The following NRDC variants were observed in gnomAD, a reference collection of about 807,000 sequenced individuals.
NRDC encodes nardilysin.
NRDC carries 54 observed loss-of-function variants against 147.1 expected under a neutral mutation model. That is an observed-to-expected ratio of 0.37 (90% CI 0.29 to 0.46). NRDC has a LOEUF of 0.46. NRDC is among the 20% of genes least tolerant of loss of function. The pLI is 1.00. For missense variants in NRDC, 1,082 were observed against 1,370.6 expected (o/e 0.79, Z 3.33); for synonymous variants, 440 against 482.1 (o/e 0.91, Z 1.14).
chr1:51,824,612 A>G (rs114611268), intron 6 of NRDC, among the ~76,000 whole-genome samples: 170 of 152,308 alleles, frequency 1.1e-3, no homozygotes, highest in African/African-American at 4.0e-3. Context: ...AGAAAATGCC[A>G]TTATGAAAAA....
At chr1:51,813,944 C>T (rs1679840674) in intron 14 of NRDC, 91 bp downstream of exon 14, 1 of 863,514 alleles carries the variant, frequency 1.2e-6, no homozygotes, top group Non-Finnish European at 1.9e-6. Flanking sequence ...AGAATTAAAA[C>T]TCCACCGACA....
At chr1:51,876,209 G>A (rs1683318778) in intron 1 of NRDC, among the ~76,000 whole-genome samples, 1 of 152,086 alleles carries the variant, frequency 6.6e-6, no homozygotes, top group Non-Finnish European at 1.5e-5. Context: ...GATCTGGAAG[G>A]CAAAAACTAA....
intron 19 of NRDC, 150 bp downstream of exon 19, chr1:51,805,360 A>G (rs1679414696): frequency 3.5e-6 from 2 of 563,882 alleles, no homozygotes; most frequent in African/African-American, 2.0e-5. Context: ...AATAATACAA[A>G]TAACTTGTTT....
At chr1:51,878,024 T>A in intron 1 of NRDC, 1 of 1,349,200 alleles carries the variant, frequency 7.4e-7, no homozygotes, top group Middle Eastern at 2.8e-4. Context: ...ATTCTTGCTT[T>A]AGCGACTGTA....
chr1:51,845,320 C>T (rs1353994464), intron 1 of NRDC, among the ~76,000 whole-genome samples: 2 of 152,162 alleles, frequency 1.3e-5, no homozygotes, highest in Non-Finnish European at 2.9e-5. Context: ...GGCCCGGCCG[C>T]AGTGGCTCAC....
At chr1:51,796,728 C>T (rs1678935734) in intron 22 of NRDC, among the ~76,000 whole-genome samples, 1 of 151,552 alleles carries the variant, frequency 6.6e-6, no homozygotes, top group African/African-American at 2.4e-5. Flanking sequence ...GCTGGAACTA[C>T]AGGCATGTGC....
intron 1 of NRDC, among the ~76,000 whole-genome samples, chr1:51,852,211 T>C (rs1371339299): frequency 2.0e-5 from 3 of 152,086 alleles, no homozygotes; most frequent in Admixed American, 2.0e-4. Context: ...TCCACCTCTT[T>C]CGAGACCTCA....
intron 21 of NRDC, chr1:51,799,250 G>A (rs1246821642): frequency 1.3e-5 from 2 of 152,108 alleles, no homozygotes; most frequent in East Asian, 1.9e-4. Flanking sequence ...CAATGTGCAG[G>A]TTTGTTACAT....
chr1:51,867,438 G>A (rs1046662696), intron 1 of NRDC, among the ~76,000 whole-genome samples: 7 of 152,186 alleles, frequency 4.6e-5, no homozygotes, highest in Admixed American at 4.6e-4. Context: ...CATGGAGGTA[G>A]GAAAACAAAA....
In NRDC at chr1:51,878,516, C is replaced by T. The variant is rs1428442670; in HGVS notation, c.100G>A (p.Gly34Ser). ...LAALWGIETR[G>S]RCEDSAAARP... ...GCAGCAGCAGAGTCTTCGCACCGAC[C>T]CCGCGTTTCGATTCCCCAGAGCGCC... Residue 34 changes from glycine (G) to serine (S), a missense_variant, in exon 1 of 31, where the codon GGT becomes AGT. Transcript: ENST00000352171. The T allele has an allele frequency of 1.3e-5, 21 of 1,613,718 alleles. No homozygotes were observed. The highest frequency in any genetic ancestry group is 1.7e-5 in the Admixed American group (1 of 59,948).
intron 1 of NRDC, among the ~76,000 whole-genome samples, chr1:51,871,975 G>T (rs1366235935): frequency 1.3e-5 from 2 of 152,128 alleles, no homozygotes; most frequent in African/African-American, 4.8e-5. Context: ...GGGTTCAAGC[G>T]ATTCTCCTGC....
chr1:51,813,975 G>A, intron 14 of NRDC, 60 bp downstream of exon 14: 6 of 1,087,404 alleles, frequency 5.5e-6, no homozygotes, highest in East Asian at 2.4e-5. Flanking sequence ...GAGGAACAAT[G>A]TCTACACCAG....
intron 8 of NRDC, 99 bp downstream of exon 8, chr1:51,821,399 C>A: frequency 1.5e-6 from 1 of 680,830 alleles, no homozygotes; most frequent in South Asian, 2.0e-5. Context: ...ATTCTATCAC[C>A]TGTGTAAAAA....
chr1:51,793,605 G>A (rs1011352895), intron 24 of NRDC, among the ~76,000 whole-genome samples: 1 of 152,206 alleles, frequency 6.6e-6, no homozygotes, highest in Admixed American at 6.5e-5. Context: ...GCCAGACCAG[G>A]ATAATGTCAG....
In NRDC at chr1:51,790,659, C is replaced by A; in HGVS notation, c.3052-10G>T. The A allele has an allele frequency of 1.3e-6, 2 of 1,589,600 alleles. No homozygotes were observed. The highest frequency in any genetic ancestry group is 1.1e-5 in the South Asian group (1 of 90,516). On this transcript the variant is annotated splice_polypyrimidine_tract_variant and intron_variant, in intron 28 of 30. Coordinates refer to ENST00000352171, the MANE Select transcript of NRDC (RefSeq NM_001101662.2). ...TGATGAGAGCTGTGACCTGTTCCCA[C>A]CAAAAAGAAAGATGCTCAGGTGAGG...
chr1:51,789,606 C>T lies in NRDC; in HGVS notation c.3220G>A (p.Ala1074Thr), dbSNP rs1261760891. ...SKSDLVNWFK[A>T]HRGPGSKMLS... The stretch of plus-strand genomic sequence containing the variant: ...ATTTTACTTCCTGGCCCTCTATGGG[C>T]CTTGAACCAGTTGACCAGGTCTGAT... The change falls in exon 30 of 31, where the codon GCC becomes ACC. Residue 1074 changes from alanine to threonine, a missense_variant. By Grantham distance (58) the Ala-to-Thr change is moderately conservative. Around this residue, in one of 3 missense-constraint regions of NRDC, gnomAD observed 187 missense variants for 193.6 expected, o/e 0.97. Transcript: ENST00000352171. 1.9e-6 allele frequency: 3 copies of T among 1,613,880 alleles called. No homozygotes were observed. The highest frequency in any genetic ancestry group is 3.3e-5 in the Admixed American group (2 of 59,988).
intron 5 of NRDC, among the ~76,000 whole-genome samples, chr1:51,825,978 A>T (rs1475239088): frequency 1.3e-5 from 2 of 152,240 alleles, no homozygotes; most frequent in Non-Finnish European, 2.9e-5. Context: ...TCCCTTGTAA[A>T]AGAGACCTCA....
intron 1 of NRDC, among the ~76,000 whole-genome samples, chr1:51,871,018 CA>C (rs1430739802): frequency 1.3e-5 from 2 of 151,982 alleles, no homozygotes; most frequent in Non-Finnish European, 2.9e-5. Flanking sequence ...CCTCATCATT[CA>C]AAATTTCTCA....
intron 11 of NRDC, among the ~76,000 whole-genome samples, chr1:51,815,556 G>A (rs1246662467): frequency 6.6e-6 from 1 of 152,128 alleles, no homozygotes; most frequent in Non-Finnish European, 1.5e-5. Context: ...GAAAGGTTGT[G>A]CACAGCTCAA....
Sources: gnomAD v4.1 joint callset for allele counts (sites outside exome capture counted in the v4.1 genomes callset) on GRCh38, gnomAD v4.1.1 for gene constraint, gnomAD v4.1.1 regional missense constraint, MANE v1.5 for transcripts, NCBI Gene and HGNC (gene_info 2026-07-23, HGNC 2026-07-21) for gene names.